BMPR2: variants seen among roughly 807,000 people sequenced by gnomAD.
The protein encoded by BMPR2 is bone morphogenetic protein receptor type 2.
BMPR2 carries 29 observed loss-of-function variants against 100.8 expected under a neutral mutation model. That is an observed-to-expected ratio of 0.29 (90% CI 0.21 to 0.39). The LOEUF is 0.39. Among genes scored for constraint, BMPR2 ranks in the 10% least tolerant of loss-of-function variants. The pLI, the probability that BMPR2 is intolerant of heterozygous loss-of-function variation, is 1.00. For missense variants in BMPR2, 1,011 were observed against 1,274.5 expected, an observed-to-expected ratio of 0.79 and a Z score of 3.15; for synonymous variants, 382 against 442.3, an observed-to-expected ratio of 0.86 and a Z score of 1.71.
intron 1 of BMPR2, among the ~76,000 whole-genome samples, chr2:202,411,459 T>G (rs1186265953): frequency 6.6e-6 from 1 of 152,166 alleles, no homozygotes; most frequent in Non-Finnish European, 1.5e-5. Context: ...CCTTGTAGGG[T>G]TAAAACAGAG....
chr2:202,497,399 C>T (rs1475600220), intron 3 of BMPR2, among the ~76,000 whole-genome samples: 1 of 152,216 alleles, frequency 6.6e-6, no homozygotes, highest in Non-Finnish European at 1.5e-5. Flanking sequence ...TACCGGGCAC[C>T]TTATTGGCCA....
At chr2:202,471,448 C>A (rs528429088) in intron 3 of BMPR2, among the ~76,000 whole-genome samples, 1 of 152,082 alleles carries the variant, frequency 6.6e-6, no homozygotes, top group African/African-American at 2.4e-5. Flanking sequence ...GACACCTTGA[C>A]CAGGTAATAA....
At chr2:202,536,496 G>T (rs1331582529) in intron 9 of BMPR2, among the ~76,000 whole-genome samples, 2 of 151,786 alleles carry the variant, frequency 1.3e-5, no homozygotes, top group East Asian at 3.9e-4. Flanking sequence ...TTATCTAGAA[G>T]TATATTTTCT....
chr2:202,553,000 T>C, intron 11 of BMPR2, 112 bp downstream of exon 11: 2 of 1,314,626 alleles, frequency 1.5e-6, no homozygotes, highest in African/African-American at 1.5e-5. Flanking sequence ...GATTACCTCA[T>C]ACAATCTAAA....
rs1389752484 is a variant in BMPR2, at chr2:202,532,091, C to G, written c.1129-494C>G. Among the ~76,000 whole-genome samples the G allele has an allele frequency of 1.3e-5, 2 of 151,600 alleles. No homozygotes were observed. Among genetic ancestry groups the G allele is most frequent in the Non-Finnish European group, 2.9e-5 (2 of 67,926 alleles). ...AGTAGCTGGGACTACAGGCACCCAC[C>G]ACCATGCCTGGTTAATTTTTTATTT... On this transcript the variant is annotated intron_variant, in intron 8 of 12. Coordinates refer to ENST00000374580, the MANE Select transcript of BMPR2 (RefSeq NM_001204.7). This position sits in a 1 kb window ranked among gnomAD's most constrained non-coding sequence, Gnocchi z 4.1.
intron 1 of BMPR2, among the ~76,000 whole-genome samples, chr2:202,449,498 GCAAA>G (rs759758105): frequency 2.6e-5 from 4 of 152,082 alleles, no homozygotes; most frequent in Non-Finnish European, 4.4e-5. Context: ...AAGTGTTTGT[GCAAA>G]CAGTGTGGAA....
chr2:202,439,637 T>A (rs537284373), intron 1 of BMPR2, among the ~76,000 whole-genome samples: 2 of 150,308 alleles, frequency 1.3e-5, no homozygotes, highest in East Asian at 3.9e-4. Flanking sequence ...AGTACAAGTT[T>A]GGATAGGTTT....
At chr2:202,530,658 A>G (rs1688004882) in intron 7 of BMPR2, 136 bp from the exon 8 acceptor site, 2 of 729,442 alleles carry the variant, frequency 2.7e-6, no homozygotes, top group African/African-American at 3.6e-5. Context: ...TGTGAGTTGA[A>G]ATTCCGATTT....
chr2:202,500,132 A>G (rs1202674010), intron 3 of BMPR2, among the ~76,000 whole-genome samples: 1 of 152,040 alleles, frequency 6.6e-6, no homozygotes, highest in African/African-American at 2.4e-5. Context: ...CATCACCCTC[A>G]CTGAGCCCCG....
chr2:202,536,067 A>G (rs1338043591), intron 9 of BMPR2, among the ~76,000 whole-genome samples: 1 of 152,000 alleles, frequency 6.6e-6, no homozygotes, highest in African/African-American at 2.4e-5. Flanking sequence ...GACCGTGGAA[A>G]GAGAGGGAGA....
chr2:202,533,630 C>G lies in BMPR2; in HGVS notation c.1276+898C>G, dbSNP rs192020872. 3.3e-3 allele frequency among the ~76,000 whole-genome samples: 509 copies of G among 152,292 alleles called. 1 individual carries two copies. Among genetic ancestry groups the G allele is most frequent in the African/African-American group, 0.012 (481 of 41,556 alleles). ...ATGAGGTCAGAAGTTCGAGACCAGC[C>G]TGGCCAATATGGTGAAACCCCATGT... is the stretch of plus-strand genomic sequence containing the variant. On this transcript the variant is annotated intron_variant, in intron 9 of 12. Coordinates refer to ENST00000374580, the MANE Select transcript of BMPR2 (RefSeq NM_001204.7).
At chr2:202,526,888 G>A (rs1687923337) in intron 7 of BMPR2, among the ~76,000 whole-genome samples, 1 of 151,464 alleles carries the variant, frequency 6.6e-6, no homozygotes, top group Admixed American at 6.6e-5. Context: ...CTTTTTTTTG[G>A]AGTCTCACTC....
At chr2:202,484,242 A>T (rs1692722308) in intron 3 of BMPR2, among the ~76,000 whole-genome samples, 1 of 152,214 alleles carries the variant, frequency 6.6e-6, no homozygotes, top group Admixed American at 6.5e-5. Context: ...TTCTAAACAC[A>T]TCACTTTGGT....
chr2:202,496,494 A>C (rs1025090215), intron 3 of BMPR2, among the ~76,000 whole-genome samples: 12 of 149,774 alleles, frequency 8.0e-5, no homozygotes, highest in African/African-American at 2.0e-4. Flanking sequence ...AAAACAAAAA[A>C]AAATCAAAAG....
intron 1 of BMPR2, among the ~76,000 whole-genome samples, chr2:202,382,955 T>C (rs1428069207): frequency 1.3e-5 from 2 of 152,204 alleles, no homozygotes; most frequent in African/African-American, 4.8e-5. Flanking sequence ...AAATTTTAGG[T>C]ACCTTTGAGA....
Position 202,464,869 on chromosome 2 carries a change from T to C in BMPR2, c.137T>C (p.Ile46Thr). 1.2e-6 allele frequency: 2 copies of C among 1,614,088 alleles called. No homozygotes were observed. The highest frequency in any genetic ancestry group is 1.7e-6 in the Non-Finnish European group (2 of 1,179,998). ...GATCCGTATCAGCAAGACCTTGGGA[T>C]AGGTGAGAGTAGAATCTCTCATGAA... is the stretch of plus-strand genomic sequence containing the variant. ...FKDPYQQDLG[I>T]GESRISHENG... Residue 46 changes from isoleucine (I) to threonine (T), a missense_variant, in exon 2 of 13, where the codon ATA becomes ACA. Physicochemically the swap from Ile to Thr is moderately conservative, Grantham distance 89. Around this residue, in one of 6 missense-constraint regions of BMPR2, gnomAD observed 355 missense variants for 455.3 expected, o/e 0.78. Transcript: ENST00000374580.
chr2:202,480,729 G>A (rs568071051), intron 3 of BMPR2, among the ~76,000 whole-genome samples: 1 of 151,934 alleles, frequency 6.6e-6, no homozygotes, highest in Admixed American at 6.6e-5. Flanking sequence ...CGAGGCGGGT[G>A]GATCATGAGG....
intron 12 of BMPR2, among the ~76,000 whole-genome samples, chr2:202,557,927 A>G (rs974698705): frequency 5.9e-5 from 9 of 152,190 alleles, no homozygotes; most frequent in African/African-American, 7.2e-5. Flanking sequence ...GAAACATTTT[A>G]TTGCATATAT....
chr2:202,528,938 G>T lies in BMPR2; in HGVS notation c.968-1856G>T, dbSNP rs183063890. ...CTTTGTTATTTGGAGTAGAAATTTG[G>T]TAGTAAGGAATTATACTGTTATTAC... On this transcript the variant is annotated intron_variant, in intron 7 of 12. Transcript: ENST00000374580. 3.7e-4 allele frequency among the ~76,000 whole-genome samples: 57 copies of T among 152,284 alleles called. No homozygotes were observed. In the East Asian group the frequency reaches 0.01, roughly 28 times the overall value.
Sources: gnomAD v4.1 joint callset for allele counts (sites outside exome capture counted in the v4.1 genomes callset) on GRCh38, gnomAD v4.1.1 for gene constraint, gnomAD v4.1.1 regional missense constraint, Gnocchi (gnomAD v3.1) non-coding constraint, MANE v1.5 for transcripts, NCBI Gene and HGNC (gene_info 2026-07-23, HGNC 2026-07-21) for gene names.